The following DIS3L2 variants were observed in gnomAD, a reference collection of about 807,000 sequenced individuals.
DIS3L2 encodes the protein DIS3 like 3'-5' exoribonuclease 2, also known as DIS3-like exonuclease 2.
Under a neutral mutation model 97.5 loss-of-function variants are expected in DIS3L2, and 34 were observed. The ratio of observed to expected loss-of-function variants is 0.35; its 90% confidence interval spans 0.27 to 0.46. DIS3L2 has a LOEUF of 0.46. DIS3L2 is among the 20% of genes least tolerant of loss of function. DIS3L2 has a pLI of 1.00. For synonymous variants in DIS3L2, 435 were observed against 445.2 expected, an observed-to-expected ratio of 0.98 and a Z score of 0.29; for missense variants, 1,038 against 1,146.0, an observed-to-expected ratio of 0.91 and a Z score of 1.36.
chr2:232,057,774 A>G (rs1304115855), intron 5 of DIS3L2, among the ~76,000 whole-genome samples: 1 of 152,114 alleles, frequency 6.6e-6, no homozygotes, highest in African/African-American at 2.4e-5. Flanking sequence ...CTTGTTTTAA[A>G]CTGCTAAGTT....
Position 232,278,621 on chromosome 2 carries a change from G to A in DIS3L2, c.1659+15181G>A, listed in dbSNP as rs530515710. On this transcript the variant is annotated intron_variant, in intron 13 of 20. Transcript: ENST00000325385. ...TAGCATGAAAGTGCATTTGAGGGTC[G>A]TCCATGTTGTTGTGTGTATCAGTGG... 7.2e-5 allele frequency among the ~76,000 whole-genome samples: 11 copies of A among 152,264 alleles called. No homozygotes were observed. In the South Asian group the frequency reaches 2.1e-3, roughly 29 times the overall value.
rs572642601 is a variant in DIS3L2, at chr2:231,984,786, A to T, written c.-94+23021A>T. Among the ~76,000 whole-genome samples, 13 of 151,902 alleles carry T rather than the reference A, an allele frequency of 8.6e-5. No individual in the cohort carries two copies. In the South Asian group the frequency reaches 1.7e-3, roughly 19 times the overall value. On this transcript the variant is annotated intron_variant, in intron 1 of 20. Transcript: ENST00000325385. ...ATGCGTGCGCCACGGCACCCAGCTA[A>T]TTTTTTGTATTTTCAGTAGAGACAA... is the stretch of plus-strand genomic sequence containing the variant.
intron 9 of DIS3L2, among the ~76,000 whole-genome samples, chr2:232,195,799 C>G (rs899952188): frequency 6.6e-6 from 1 of 152,024 alleles, no homozygotes; most frequent in African/African-American, 2.4e-5. Flanking sequence ...TCCATAGGAG[C>G]AATTGAGAGG....
At chr2:232,305,859 G>T (rs1225562199) in intron 14 of DIS3L2, among the ~76,000 whole-genome samples, 1 of 152,034 alleles carries the variant, frequency 6.6e-6, no homozygotes, top group East Asian at 1.9e-4. Context: ...GGAGGCTGAG[G>T]CAGGAGAGTC....
intron 14 of DIS3L2, among the ~76,000 whole-genome samples, chr2:232,319,707 A>C (rs79366657): frequency 0.02 from 2,984 of 152,318 alleles, 103 homozygotes; most frequent in African/African-American, 0.069. Flanking sequence ...CCCAGGTACC[A>C]GGAGAGCTTT....
chr2:232,333,514 C>T (rs539185253), intron 16 of DIS3L2, among the ~76,000 whole-genome samples: 14 of 152,286 alleles, frequency 9.2e-5, no homozygotes, highest in African/African-American at 3.4e-4. Flanking sequence ...GTTCCTGGCT[C>T]CCTGGTCCTC....
At chr2:232,078,473 A>G (rs1696283743) in intron 5 of DIS3L2, among the ~76,000 whole-genome samples, 1 of 152,196 alleles carries the variant, frequency 6.6e-6, no homozygotes, top group Non-Finnish European at 1.5e-5. Context: ...CCACTGATTT[A>G]GACTTCTTAA....
intron 13 of DIS3L2, among the ~76,000 whole-genome samples, chr2:232,270,846 GCTCT>G (rs1244674885): frequency 6.9e-6 from 1 of 145,300 alleles, no homozygotes; most frequent in Non-Finnish European, 1.5e-5. Context: ...GCACTCGCGC[GCTCT>G]CTTTTTCTCG....
intron 6 of DIS3L2, among the ~76,000 whole-genome samples, chr2:232,111,777 C>G (rs376625494): frequency 6.6e-6 from 1 of 152,150 alleles, no homozygotes; most frequent in South Asian, 2.1e-4. Context: ...GCTTGGAATT[C>G]TGTGGTGTAA....
chr2:232,212,272 C>T (rs1692212901), intron 10 of DIS3L2, among the ~76,000 whole-genome samples: 1 of 152,238 alleles, frequency 6.6e-6, no homozygotes, highest in African/African-American at 2.4e-5. Context: ...AGCCAGGTGA[C>T]CGTGGACCTC....
chr2:232,259,768 A>G (rs1574977574), intron 12 of DIS3L2: 1 of 152,136 alleles, frequency 6.6e-6, no homozygotes, highest in Non-Finnish European at 1.5e-5. Flanking sequence ...ACAGGTGCGC[A>G]CTACCATGCC....
rs148220733 is a variant in DIS3L2 at position 232,312,725 on chromosome 2, A to G, written c.1739+12606A>G. On this transcript the variant is annotated intron_variant, in intron 14 of 20. Transcript: ENST00000325385. ...AACACTTTTATGATAATGAGTCTTCACAAACATGGTACCTCCCTCTATTTA... is the reference window on the plus strand; with the variant it reads ...AACACTTTTATGATAATGAGTCTTCGCAAACATGGTACCTCCCTCTATTTA... 8.5e-3 allele frequency among the ~76,000 whole-genome samples: 1,292 copies of G among 152,350 alleles called. 23 individuals carry two copies. The highest frequency in any genetic ancestry group is 0.049 in the Admixed American group (747 of 15,298).
intron 19 of DIS3L2, chr2:232,335,563 C>T (rs1695916344): frequency 1.7e-6 from 1 of 603,932 alleles, no homozygotes; most frequent in South Asian, 2.0e-5. Flanking sequence ...ACGGGCCTTC[C>T]CAGCCCCCAC....
chr2:232,298,044 T>A (rs1269369799), intron 13 of DIS3L2, among the ~76,000 whole-genome samples: 3 of 152,226 alleles, frequency 2.0e-5, no homozygotes, highest in African/African-American at 4.8e-5. Flanking sequence ...ATAGTCTTCA[T>A]GGTACACTGT....
At chr2:232,289,086 C>T (rs929761899) in intron 13 of DIS3L2, among the ~76,000 whole-genome samples, 10 of 151,950 alleles carry the variant, frequency 6.6e-5, no homozygotes, top group African/African-American at 2.4e-4. Flanking sequence ...GGAGAGTTTA[C>T]AAGGTTATCT....
In DIS3L2 at chr2:232,211,284, A is replaced by AGTGTGC. The variant is rs1447696984; in HGVS notation, c.1204+879_1204+880insGTGTGC. 5.4e-3 allele frequency among the ~76,000 whole-genome samples: 823 copies of AGTGTGC among 152,112 alleles called. 3 individuals are homozygous for AGTGTGC. The highest frequency in any genetic ancestry group is 9.3e-3 in the African/African-American group (388 of 41,514). On this transcript the variant is annotated intron_variant, in intron 10 of 20. Coordinates refer to ENST00000325385, the MANE Select transcript of DIS3L2 (RefSeq NM_152383.5). Reference sequence around the variant, plus strand: ...CTCAGCCTCTCAAGTAGCTGAGACTACAGGTGTGTGCCACCAAGCCTGGCT... The same window carrying AGTGTGC: ...CTCAGCCTCTCAAGTAGCTGAGACTAGTGTGCCAGGTGTGTGCCACCAAGCCTGGCT...
At chr2:232,237,740 G>T (rs867916121) in intron 10 of DIS3L2, among the ~76,000 whole-genome samples, 2 of 151,834 alleles carry the variant, frequency 1.3e-5, no homozygotes, top group South Asian at 2.1e-4. Flanking sequence ...ATGGTGGGAG[G>T]GGGGTAGAGG....
intron 14 of DIS3L2, 100 bp downstream of exon 14, chr2:232,300,219 G>A: frequency 8.7e-7 from 1 of 1,143,046 alleles, no homozygotes; most frequent in Non-Finnish European, 1.3e-6. Context: ...TGGTTGTCAG[G>A]AAGGGAATAC....
intron 5 of DIS3L2, among the ~76,000 whole-genome samples, chr2:232,056,562 G>C (rs533096329): frequency 6.6e-6 from 1 of 152,102 alleles, no homozygotes; most frequent in African/African-American, 2.4e-5. Context: ...AATTTATAAA[G>C]AATTCCCTGA....
Sources: gnomAD v4.1 joint callset for allele counts (sites outside exome capture counted in the v4.1 genomes callset) on GRCh38, gnomAD v4.1.1 for gene constraint, MANE v1.5 for transcripts, NCBI Gene and HGNC (gene_info 2026-07-23, HGNC 2026-07-21) for gene names.